NLRP2: variants seen among roughly 807,000 people sequenced by gnomAD.
The protein encoded by NLRP2 is NACHT, LRR and PYD domains-containing protein 2.
NLRP2 carries 107 observed loss-of-function variants against 97.2 expected under a neutral mutation model. That is an observed-to-expected ratio of 1.10 (90% CI 0.94 to 1.29). NLRP2 has a LOEUF of 1.29. Among genes scored for constraint, NLRP2 ranks in the 50% most tolerant of loss-of-function variants. NLRP2 has a pLI of 0.00. For missense variants in NLRP2, 1,495 were observed against 1,330.3 expected, an observed-to-expected ratio of 1.12 and a Z score of -1.93; for synonymous variants, 663 against 551.5, an observed-to-expected ratio of 1.20 and a Z score of -2.83.
intron 12 of NLRP2, among the ~76,000 whole-genome samples, chr19:54,997,758 T>G (rs1602448024): frequency 7.3e-6 from 1 of 136,954 alleles, no homozygotes; most frequent in Non-Finnish European, 1.6e-5. Flanking sequence ...CCCGGCCACC[T>G]TTTTTTTTTT....
chr19:54,969,956 T>G (rs959628434), intron 1 of NLRP2, 43 bp from the exon 2 acceptor site: 81 of 1,586,506 alleles, frequency 5.1e-5, no homozygotes, highest in Non-Finnish European at 6.3e-5. Context: ...ACAGGAGTGC[T>G]AATCACCATC....
At chr19:54,996,594 G>A (rs753330535) in intron 11 of NLRP2, among the ~76,000 whole-genome samples, 12 of 152,028 alleles carry the variant, frequency 7.9e-5, no homozygotes, top group African/African-American at 1.2e-4. Context: ...CTATATTGAC[G>A]ATGGCTTCAG....
intron 3 of NLRP2, among the ~76,000 whole-genome samples, 177 bp downstream of exon 3, chr19:54,974,721 ACACGAT>A (rs1282437033): frequency 6.6e-6 from 1 of 152,192 alleles, no homozygotes; most frequent in African/African-American, 2.4e-5. Context: ...GGAAGCTGAA[ACACGAT>A]CGCGTTTGTT....
At chr19:54,970,605 G>A (rs901807761) in intron 2 of NLRP2, among the ~76,000 whole-genome samples, 5 of 151,578 alleles carry the variant, frequency 3.3e-5, no homozygotes, top group South Asian at 4.2e-4. Context: ...GCTATGAGCC[G>A]AGATCACGCC....
chr19:54,978,238 T>A (rs1400129804), intron 4 of NLRP2, among the ~76,000 whole-genome samples: 1 of 150,806 alleles, frequency 6.6e-6, no homozygotes, highest in African/African-American at 2.4e-5. Flanking sequence ...CAGCTAATTT[T>A]TTTTTTTTTT....
At position 54,994,620 on chromosome 19, in the gene NLRP2, T is replaced by G. The variant is rs557637119; in HGVS notation, c.2879+181T>G. ...TTCTAGTCTATGTCTAAGTTTTTGTTTTTTTTTTTCTTGAAGTTTTGCTCT... is the reference window on the plus strand; with the variant it reads ...TTCTAGTCTATGTCTAAGTTTTTGTGTTTTTTTTTCTTGAAGTTTTGCTCT... On this transcript the variant is annotated intron_variant, in intron 11 of 12. Transcript: ENST00000448584. Among the ~76,000 whole-genome samples, 4 of 150,898 alleles carry G rather than the reference T, an allele frequency of 2.7e-5. No homozygotes were observed. The East Asian group carries it at 7.8e-4, about 29-fold the overall frequency.
rs2071714075 is a variant in NLRP2, at chr19:54,982,965, C to G, written c.1267C>G (p.Leu423Val). 1.2e-6 allele frequency: 2 copies of G among 1,611,714 alleles called. No homozygotes were observed. The highest frequency in any genetic ancestry group is 1.7e-6 in the Non-Finnish European group (2 of 1,179,804). Reference protein sequence around the residue: ...EKGEDPVPTCLTRTGLFLRFL... With the variant: ...EKGEDPVPTCVTRTGLFLRFL... ...GGGGGAGGACCCGGTCCCCACCTGC[C>G]TCACCCGCACGGGGCTGTTCCTGCG... Residue 423 changes from leucine (L) to valine (V), a missense_variant, in exon 6 of 13, where the codon CTC becomes GTC. Coordinates refer to ENST00000448584, the MANE Select transcript of NLRP2 (RefSeq NM_017852.5).
intron 8 of NLRP2, 139 bp downstream of exon 8, chr19:54,986,454 C>A: frequency 1.3e-6 from 1 of 767,214 alleles, no homozygotes; most frequent in South Asian, 1.5e-5. Context: ...CAGGATGCAG[C>A]ATGGGCTGAA....
Position 54,982,506 on chromosome 19 carries a change from C to A in NLRP2, c.808C>A (p.Gln270Lys), listed in dbSNP as rs1466232547. Residue 270 changes from glutamine to lysine, a missense_variant, in exon 6 of 13, where the codon CAG becomes AAG. Coordinates refer to ENST00000448584, the MANE Select transcript of NLRP2 (RefSeq NM_017852.5). Reference protein sequence around the residue: ...ELVFRDWPELQDDIPHILAQA... With the variant: ...ELVFRDWPELKDDIPHILAQA... The stretch of plus-strand genomic sequence containing the variant: ...GGTCTTCAGGGACTGGCCTGAATTG[C>A]AGGATGACATTCCACACATCCTAGC... The A allele has an allele frequency of 6.2e-7, 1 of 1,614,072 alleles. No individual in the cohort carries two copies. Among genetic ancestry groups the A allele is most frequent in the Non-Finnish European group, 8.5e-7 (1 of 1,180,048 alleles).
intron 3 of NLRP2, among the ~76,000 whole-genome samples, chr19:54,975,164 C>A (rs1325003235): frequency 9.0e-6 from 1 of 111,652 alleles, no homozygotes; most frequent in Non-Finnish European, 1.7e-5. Flanking sequence ...TTCACTCTGT[C>A]ACTTAGGCTG....
intron 3 of NLRP2, among the ~76,000 whole-genome samples, chr19:54,977,487 T>TTGTGTG (rs61515967): frequency 0.13 from 18,940 of 147,348 alleles, 1,437 homozygotes; most frequent in Admixed American, 0.25. Context: ...CGTGAGTAGT[T>TTGTGTG]TGTGTGTGTG....
intron 11 of NLRP2, among the ~76,000 whole-genome samples, chr19:54,996,386 T>G (rs1253633802): frequency 6.6e-6 from 1 of 151,894 alleles, no homozygotes; most frequent in African/African-American, 2.4e-5. Context: ...GGCACATAGC[T>G]ATAATCTCAT....
At position 54,982,593 on chromosome 19, in the gene NLRP2, G is replaced by A. The variant is rs779179826; in HGVS notation, c.895G>A (p.Ala299Thr). 1 of 1,614,172 alleles carries A rather than the reference G, an allele frequency of 6.2e-7. No individual in the cohort carries two copies. The highest frequency in any genetic ancestry group is 2.2e-5 in the East Asian group (1 of 44,876). The change falls in exon 6 of 13, where the codon GCG becomes ACG. Residue 299 changes from alanine to threonine, a missense_variant. Transcript: ENST00000448584. ...GFDELGAAPG[A>T]LIEDICGDWE... is the part of the protein sequence containing the mutation. ...TGATGAGCTGGGAGCCGCACCTGGG[G>A]CGCTGATCGAGGACATCTGCGGGGA...
chr19:54,983,250 G>A lies in NLRP2; in HGVS notation c.1552G>A (p.Glu518Lys), dbSNP rs755393356. The stretch of plus-strand genomic sequence containing the variant: ...TCTCACTGCCCTGTTCTACACCCTG[G>A]AGAAGGAGGAGGAAGAGGATAGGGA... Reference protein sequence around the residue: ...QFLTALFYTLEKEEEEDRDGH... With the variant: ...QFLTALFYTLKKEEEEDRDGH... The change falls in exon 6 of 13, where the codon GAG (glutamate) becomes AAG (lysine). Residue 518 changes from glutamate to lysine, a missense_variant. By Grantham distance (56) the Glu-to-Lys change is moderately conservative. Coordinates refer to ENST00000448584, the MANE Select transcript of NLRP2 (RefSeq NM_017852.5). 5 of 1,613,396 alleles carry A rather than the reference G, an allele frequency of 3.1e-6. No homozygotes were observed. The East Asian group carries it at 1.1e-4, about 36-fold the overall frequency.
intron 2 of NLRP2, among the ~76,000 whole-genome samples, chr19:54,973,594 G>A (rs1489729119): frequency 1.3e-5 from 2 of 151,922 alleles, no homozygotes; most frequent in Admixed American, 6.6e-5. Context: ...GACTGGTCTC[G>A]AACTCCCGAC....
chr19:54,985,692 A>G (rs56126553), intron 7 of NLRP2, among the ~76,000 whole-genome samples: 19,007 of 143,264 alleles, frequency 0.13, 1,529 homozygotes, highest in Middle Eastern at 0.29. Context: ...AAAAAAAAAA[A>G]AAAAAAGAAA....
intron 2 of NLRP2, 61 bp downstream of exon 2, chr19:54,970,356 T>G: frequency 6.2e-7 from 1 of 1,601,916 alleles, no homozygotes. Context: ...TCCAGGACTT[T>G]AGAAATTCAG....
chr19:54,991,794 G>A (rs564622986), intron 10 of NLRP2, among the ~76,000 whole-genome samples: 5 of 150,432 alleles, frequency 3.3e-5, no homozygotes, highest in African/African-American at 9.8e-5. Flanking sequence ...GCTTGAAGTC[G>A]GGAGGTTGCA....
Position 54,970,171 on chromosome 19 carries a change from G to A in NLRP2, c.156G>A (p.Gly52=). The change falls in exon 2 of 13, where the codon GGG becomes GGA. Residue 52 remains glycine (G), a synonymous_variant. Transcript: ENST00000448584. The part of the protein sequence containing the change: ...IPHKEVDKAD[G]KQLVEILTTH... ...ACAAGGAGGTAGACAAGGCTGATGG[G>A]AAGCAACTGGTAGAAATCCTCACCA... 3 of 1,614,144 alleles carry A rather than the reference G, an allele frequency of 1.9e-6. No homozygotes were observed. Among genetic ancestry groups the A allele is most frequent in the South Asian group, 2.2e-5 (2 of 91,080 alleles).
Sources: allele counts gnomAD v4.1 joint callset (sites outside exome capture counted in the v4.1 genomes callset), GRCh38; gene constraint gnomAD v4.1.1; transcripts MANE v1.5; gene names NCBI Gene and HGNC (gene_info 2026-07-23, HGNC 2026-07-21).